B3GALT1: variants seen among roughly 807,000 people sequenced by gnomAD.
The protein encoded by B3GALT1 is UDP-Gal:betaGlcNAc beta 1,3-galactosyltransferase, polypeptide 1.
Under a neutral mutation model 23.2 loss-of-function variants are expected in B3GALT1, and 10 were observed. The ratio of observed to expected loss-of-function variants is 0.43; its 90% CI spans 0.27 to 0.73. B3GALT1 has a LOEUF of 0.73. B3GALT1 is among the 30% of genes least tolerant of loss of function. The pLI, the probability that B3GALT1 is intolerant of heterozygous loss-of-function variation, is 0.21. For synonymous variants in B3GALT1, 156 were observed against 141.5 expected (o/e 1.10, Z -0.73); for missense variants, 299 against 405.4 (o/e 0.74, Z 2.25).
rs191658946 is a variant in B3GALT1 at position 167,730,302 on chromosome 2, A to T, written c.-352+83336A>T. On this transcript the variant is annotated intron_variant, in intron 3 of 4. Coordinates refer to ENST00000392690, the MANE Select transcript of B3GALT1 (RefSeq NM_020981.4). ...TTGTTTGTTTTAAACTAAATTTAGC[A>T]TAGTGTGTCTCAATTCTTAATGGTG... 3.8e-4 allele frequency among the ~76,000 whole-genome samples: 58 copies of T among 152,196 alleles called. No individual in the cohort carries two copies. The East Asian group carries it at 6.8e-3, about 18-fold the overall frequency.
At chr2:167,650,176 T>G (rs1653401) in intron 3 of B3GALT1, among the ~76,000 whole-genome samples, 148,692 of 150,916 alleles carry the variant, frequency 0.99, 73,301 homozygotes, top group Middle Eastern at 1. Context: ...AGAAGACCAT[T>G]TTTTTTCCTC....
chr2:167,592,078 A>G (rs754014478), intron 2 of B3GALT1, among the ~76,000 whole-genome samples: 19 of 152,276 alleles, frequency 1.2e-4, no homozygotes, highest in African/African-American at 4.3e-4. Context: ...AAATGTTACC[A>G]TTATCTGAGA....
At chr2:167,763,352 C>T (rs543809263) in intron 3 of B3GALT1, among the ~76,000 whole-genome samples, 2 of 152,066 alleles carry the variant, frequency 1.3e-5, no homozygotes, top group Non-Finnish European at 2.9e-5. Context: ...CATAAAGGGA[C>T]AACTTTGTTT....
Position 167,695,587 on chromosome 2 carries a change from C to G in B3GALT1, c.-352+48621C>G, listed in dbSNP as rs151225332. ...ATTTCCTGCTGTTTATCAAATGCAC[C>G]CTTAGCTTTCATTTTCTTTCTCAAC... On this transcript the variant is annotated intron_variant, in intron 3 of 4. Coordinates refer to ENST00000392690, the MANE Select transcript of B3GALT1 (RefSeq NM_020981.4). Among the ~76,000 whole-genome samples the G allele has an allele frequency of 2.2e-3, 328 of 152,168 alleles. 1 individual carries two copies. Among genetic ancestry groups the G allele is most frequent in the African/African-American group, 7.6e-3 (314 of 41,546 alleles).
chr2:167,414,508 T>A (rs1002489527), intron 1 of B3GALT1, among the ~76,000 whole-genome samples: 1 of 152,196 alleles, frequency 6.6e-6, no homozygotes, highest in African/African-American at 2.4e-5. Context: ...TGTTCCCTTC[T>A]TGGTTCAGTG....
At chr2:167,772,143 C>T (rs907411234) in intron 3 of B3GALT1, among the ~76,000 whole-genome samples, 6 of 152,124 alleles carry the variant, frequency 3.9e-5, no homozygotes, top group Admixed American at 6.6e-5. Context: ...TAAACTATCA[C>T]GTGCCTAATT....
At chr2:167,757,036 A>G (rs546186352) in intron 3 of B3GALT1, among the ~76,000 whole-genome samples, 2 of 152,294 alleles carry the variant, frequency 1.3e-5, no homozygotes, top group Non-Finnish European at 2.9e-5. Flanking sequence ...TGTTTGGGAC[A>G]AGTTACTTAT....
At chr2:167,818,646 T>G (rs1028775656) in intron 3 of B3GALT1, among the ~76,000 whole-genome samples, 26 bp from the exon 4 acceptor site, 2 of 152,218 alleles carry the variant, frequency 1.3e-5, no homozygotes, top group African/African-American at 4.8e-5. Flanking sequence ...TTTCTAAATT[T>G]TTCTCTCTTC....
At chr2:167,635,069 C>T (rs531081852) in intron 2 of B3GALT1, among the ~76,000 whole-genome samples, 19 of 152,188 alleles carry the variant, frequency 1.2e-4, no homozygotes, top group Admixed American at 7.9e-4. Context: ...AAACGTAATC[C>T]ATCACATAAA....
At chr2:167,858,856 C>A (rs374084849) in intron 4 of B3GALT1, among the ~76,000 whole-genome samples, 26 of 152,240 alleles carry the variant, frequency 1.7e-4, no homozygotes, top group East Asian at 7.7e-4. Context: ...GTACCAATAT[C>A]ATTCTTTGAA....
intron 2 of B3GALT1, among the ~76,000 whole-genome samples, chr2:167,525,491 A>G (rs918139738): frequency 6.6e-6 from 1 of 152,010 alleles, no homozygotes; most frequent in African/African-American, 2.4e-5. Flanking sequence ...TCACTTATAT[A>G]TTTATTCAGT....
At chr2:167,442,313 A>G (rs546847365) in intron 1 of B3GALT1, among the ~76,000 whole-genome samples, 78 of 152,206 alleles carry the variant, frequency 5.1e-4, no homozygotes, top group African/African-American at 1.9e-3. Flanking sequence ...AGTCTTTGCT[A>G]TTGTGAATAA....
chr2:167,338,584 A>G (rs1697097472), intron 1 of B3GALT1, among the ~76,000 whole-genome samples: 2 of 152,096 alleles, frequency 1.3e-5, no homozygotes, highest in African/African-American at 4.8e-5. Flanking sequence ...TACTCATATG[A>G]AAAAAAGAAA....
chr2:167,337,344 C>A (rs113898289), intron 1 of B3GALT1, among the ~76,000 whole-genome samples: 1 of 151,556 alleles, frequency 6.6e-6, no homozygotes. Context: ...TCTCCAAATG[C>A]GTGCTCACAC....
chr2:167,812,353 A>T (rs1688906716), intron 3 of B3GALT1, among the ~76,000 whole-genome samples: 1 of 152,222 alleles, frequency 6.6e-6, no homozygotes, highest in South Asian at 2.1e-4. Flanking sequence ...AGTTTCTTCC[A>T]TTTTTAAAGG....
intron 4 of B3GALT1, among the ~76,000 whole-genome samples, chr2:167,848,728 TG>T (rs34270758): frequency 3.3e-5 from 5 of 152,184 alleles, no homozygotes; most frequent in Non-Finnish European, 7.3e-5. Flanking sequence ...AACATGGTAC[TG>T]GAAGTCCTAG....
At chr2:167,827,618 T>C (rs1024401003) in intron 4 of B3GALT1, among the ~76,000 whole-genome samples, 9 of 152,130 alleles carry the variant, frequency 5.9e-5, no homozygotes, top group Non-Finnish European at 1.0e-4. Context: ...CCCTGCTCAG[T>C]GCGTGGCTGC....
chr2:167,370,032 C>T (rs937591387), intron 1 of B3GALT1, among the ~76,000 whole-genome samples: 12 of 152,046 alleles, frequency 7.9e-5, no homozygotes, highest in Non-Finnish European at 1.8e-4. Flanking sequence ...TTGTTTGTTT[C>T]TAATGGAAGC....
At chr2:167,544,594 G>A (rs1211618539) in intron 2 of B3GALT1, among the ~76,000 whole-genome samples, 1 of 152,100 alleles carries the variant, frequency 6.6e-6, no homozygotes, top group Non-Finnish European at 1.5e-5. Flanking sequence ...TCTGCACCTG[G>A]ACGGATATTT....
Sources: allele counts gnomAD v4.1 joint callset (sites outside exome capture counted in the v4.1 genomes callset), GRCh38; gene constraint gnomAD v4.1.1; transcripts MANE v1.5; gene names NCBI Gene and HGNC (gene_info 2026-07-23, HGNC 2026-07-21).